The following LRP6 variants were observed in gnomAD, a reference collection of about 807,000 sequenced individuals.
The protein encoded by LRP6 is low-density lipoprotein receptor-related protein 6.
A neutral mutation model predicts 184.1 loss-of-function variants in LRP6; 43 were observed. That is an observed-to-expected ratio of 0.23 (90% CI 0.18 to 0.30). The LOEUF (loss-of-function observed/expected upper bound fraction) is 0.30, where lower values mean the gene tolerates loss of function less well. LRP6 is among the 10% of genes least tolerant of loss of function. The probability of loss-of-function intolerance (pLI) is 1.00; values close to 1 mark genes in which losing one functional copy is unlikely to be tolerated. For synonymous variants in LRP6, 719 were observed against 684.9 expected (o/e 1.05, Z -0.78); for missense variants, 1,571 against 2,005.3 (o/e 0.78, Z 4.14).
Position 12,184,755 on chromosome 12 carries a change from A to C in LRP6, c.845-644T>G, listed in dbSNP as rs2136999621. Reference sequence around the variant, plus strand: ...AGCCAAGAAAAGTAATTATGTTGAAAAGTCATGCCTTGGGAAGATTAACAT... The same window carrying C: ...AGCCAAGAAAAGTAATTATGTTGAACAGTCATGCCTTGGGAAGATTAACAT... On this transcript the variant is annotated intron_variant, in intron 4 of 22. Coordinates refer to ENST00000261349, the MANE Select transcript of LRP6 (RefSeq NM_002336.3). Among the ~76,000 whole-genome samples the C allele has an allele frequency of 1.3e-5, 2 of 152,330 alleles. 1 individual carries two copies. Among genetic ancestry groups the C allele is most frequent in the Middle Eastern group, 6.8e-3 (2 of 294 alleles).
chr12:12,204,228 G>A (rs1282432075), intron 2 of LRP6, among the ~76,000 whole-genome samples: 2 of 140,226 alleles, frequency 1.4e-5, no homozygotes, highest in Non-Finnish European at 3.0e-5. Context: ...GATTCAAGTC[G>A]AGAGACACTA....
intron 2 of LRP6, among the ~76,000 whole-genome samples, chr12:12,233,476 AAATG>A (rs1036323613): frequency 6.6e-6 from 1 of 152,174 alleles, no homozygotes; most frequent in Non-Finnish European, 1.5e-5. Flanking sequence ...TCAAAAAAAT[AAATG>A]AATGAATGAA....
At chr12:12,151,979 T>C (rs1222889393) in intron 12 of LRP6, among the ~76,000 whole-genome samples, 2 of 152,120 alleles carry the variant, frequency 1.3e-5, no homozygotes, top group African/African-American at 4.8e-5. Context: ...AGGTAAAAAT[T>C]ACAAAAATAA....
chr12:12,159,943 C>T lies in LRP6; in HGVS notation c.2301G>A (p.Trp767Ter). The change falls in exon 11 of 23, where the codon TGG becomes TGA. Residue 767 changes from tryptophan (W) to a stop codon, truncating the protein, a stop_gained. Transcript: ENST00000261349. LOFTEE classifies it high-confidence loss of function. ...CTCTGTCTATCTTAGGTTTTCCACC[C>T]CATTCAGTCCAATACATAAATCTAA... is the stretch of plus-strand genomic sequence containing the variant. ...PAEGFMYWTEWGGKPKIDRAA... is the reference protein window; with the variant it reads ...PAEGFMYWTE The T allele has an allele frequency of 6.2e-7, 1 of 1,612,160 alleles. No individual in the cohort carries two copies. The highest frequency in any genetic ancestry group is 1.7e-5 in the Admixed American group (1 of 59,854).
intron 2 of LRP6, among the ~76,000 whole-genome samples, chr12:12,211,390 C>A (rs923691660): frequency 6.6e-6 from 1 of 152,072 alleles, no homozygotes; most frequent in African/African-American, 2.4e-5. Flanking sequence ...TGCAATGAGC[C>A]GAGATCGTGC....
intron 3 of LRP6, among the ~76,000 whole-genome samples, chr12:12,200,454 G>A (rs1863886117): frequency 6.6e-6 from 1 of 152,114 alleles, no homozygotes; most frequent in African/African-American, 2.4e-5. Context: ...CAAGGAGGCT[G>A]AGGCATCTCA....
chr12:12,214,835 G>A (rs1474475561), intron 2 of LRP6, among the ~76,000 whole-genome samples: 1 of 152,190 alleles, frequency 6.6e-6, no homozygotes, highest in African/African-American at 2.4e-5. Context: ...TTTTACCTGA[G>A]TTCCTTCCTC....
chr12:12,150,549 A>C (rs936871242), intron 13 of LRP6, among the ~76,000 whole-genome samples: 2 of 152,210 alleles, frequency 1.3e-5, no homozygotes, highest in African/African-American at 2.4e-5. Flanking sequence ...ATACAATAGA[A>C]ATGTAAGGAA....
chr12:12,135,028 G>A (rs775819355), intron 17 of LRP6, 147 bp downstream of exon 17: 4 of 1,139,746 alleles, frequency 3.5e-6, no homozygotes, highest in Non-Finnish European at 5.2e-6. Flanking sequence ...TAACAGAAAA[G>A]CCTAGTACAA....
intron 12 of LRP6, among the ~76,000 whole-genome samples, chr12:12,153,827 G>C (rs148115374): frequency 1.3e-5 from 2 of 152,220 alleles, no homozygotes; most frequent in South Asian, 2.1e-4. Flanking sequence ...ATGTACGTAG[G>C]AGGGAGCTTT....
intron 4 of LRP6, among the ~76,000 whole-genome samples, chr12:12,184,532 G>A (rs1298407169): frequency 1.3e-5 from 2 of 152,184 alleles, no homozygotes. Context: ...CAGCACGGGA[G>A]CCTTCAAGGA....
chr12:12,235,127 G>A (rs952623988), intron 2 of LRP6, among the ~76,000 whole-genome samples: 3 of 152,092 alleles, frequency 2.0e-5, no homozygotes, highest in Non-Finnish European at 1.5e-5. Flanking sequence ...AAGTAAATTC[G>A]TTTCTCACAA....
intron 1 of LRP6, among the ~76,000 whole-genome samples, chr12:12,262,849 T>A (rs57415829): frequency 6.6e-6 from 1 of 152,132 alleles, no homozygotes; most frequent in Non-Finnish European, 1.5e-5. Flanking sequence ...CCCTGCCCCA[T>A]CTTTAATTAA....
chr12:12,187,258 C>A, intron 3 of LRP6, 139 bp from the exon 4 acceptor site: 1 of 701,422 alleles, frequency 1.4e-6, no homozygotes, highest in Non-Finnish European at 2.5e-6. Flanking sequence ...AGGTCAAATA[C>A]ACCTATAAAA....
chr12:12,234,027 T>C (rs565303874), intron 2 of LRP6, among the ~76,000 whole-genome samples: 4 of 152,346 alleles, frequency 2.6e-5, no homozygotes, highest in South Asian at 4.1e-4. Flanking sequence ...CGGTGGCTCA[T>C]GCCTGTAATT....
chr12:12,174,844 A>C (rs761334936), intron 7 of LRP6, among the ~76,000 whole-genome samples: 13 of 152,246 alleles, frequency 8.5e-5, no homozygotes, highest in Non-Finnish European at 1.9e-4. Context: ...TTGGTACTAA[A>C]GGTTCTAATA....
intron 2 of LRP6, among the ~76,000 whole-genome samples, chr12:12,208,174 T>G (rs879694798): frequency 6.6e-6 from 1 of 152,072 alleles, no homozygotes; most frequent in Non-Finnish European, 1.5e-5. Flanking sequence ...CATAAAAGAG[T>G]ACCTACTACG....
intron 2 of LRP6, among the ~76,000 whole-genome samples, chr12:12,222,409 T>C (rs973699752): frequency 1.3e-5 from 2 of 151,244 alleles, no homozygotes; most frequent in African/African-American, 4.9e-5. Context: ...CTACTAAAAA[T>C]ACAAAAAAAT....
intron 7 of LRP6, among the ~76,000 whole-genome samples, chr12:12,172,245 A>G (rs1409657054): frequency 6.6e-6 from 1 of 152,224 alleles, no homozygotes; most frequent in Non-Finnish European, 1.5e-5. Context: ...CATTGGTTTA[A>G]CATTCTGAAA....
Sources: allele counts gnomAD v4.1 joint callset (sites outside exome capture counted in the v4.1 genomes callset), GRCh38; gene constraint gnomAD v4.1.1; transcripts MANE v1.5; gene names NCBI Gene and HGNC (gene_info 2026-07-23, HGNC 2026-07-21).